Variants in ZNF460 observed in about 807,000 individuals in gnomAD.
ZNF460 encodes the protein zinc finger protein 272.
A neutral mutation model predicts 8.4 loss-of-function variants in ZNF460; 1 was observed. The observed-to-expected ratio is 0.12, with a 90% CI of 0.04 to 0.56. The LOEUF (loss-of-function observed/expected upper bound fraction) is 0.56, where lower values mean the gene tolerates loss of function less well. Ranked by LOEUF, ZNF460 falls within the 20% of genes least tolerant of loss-of-function variation. The probability of loss-of-function intolerance (pLI) is 0.91; values close to 1 mark genes in which losing one functional copy is unlikely to be tolerated. For synonymous variants in ZNF460, 262 were observed against 259.9 expected, an observed-to-expected ratio of 1.01 and a Z score of -0.08; for missense variants, 477 against 714.8, an observed-to-expected ratio of 0.67 and a Z score of 3.79.
chr19:57,287,178 T>C (rs1351093807), intron 2 of ZNF460, among the ~76,000 whole-genome samples: 1 of 152,174 alleles, frequency 6.6e-6, no homozygotes, highest in Non-Finnish European at 1.5e-5. Flanking sequence ...CTGACATATC[T>C]GTCTTCTTTT....
intron 2 of ZNF460, among the ~76,000 whole-genome samples, 185 bp from the exon 3 acceptor site, chr19:57,290,514 G>T (rs1443851617): frequency 6.6e-6 from 1 of 151,810 alleles, no homozygotes; most frequent in Non-Finnish European, 1.5e-5. Context: ...CTGACCTCAA[G>T]TGATCCGCCT....
rs1477825352 is a variant in ZNF460, at chr19:57,292,113, C to T, written c.1572C>T (p.Ile524=). The T allele has an allele frequency of 6.2e-7, 1 of 1,614,174 alleles. No homozygotes were observed. Among genetic ancestry groups the T allele is most frequent in the Non-Finnish European group, 8.5e-7 (1 of 1,180,032 alleles). The change falls in exon 3 of 3, where the codon ATC becomes ATT. Residue 524 remains isoleucine (I), a synonymous_variant. Transcript: ENST00000360338. The part of the protein sequence containing the change: ...CESTDLIQHS[I]IHTESSPVSA... ...GCACAGATCTCATTCAACACTCCAT[C>T]ATCCACACTGAGAGTAGCCCAGTGA... is the stretch of plus-strand genomic sequence containing the variant.
chr19:57,283,502 C>CTTTTTTTTTT (rs926242067), intron 1 of ZNF460, among the ~76,000 whole-genome samples: 11 of 68,546 alleles, frequency 1.6e-4, no homozygotes, highest in African/African-American at 3.2e-4. Flanking sequence ...TTTGACTATT[C>CTTTTTTTTTT]TTTTTTTTTT....
chr19:57,288,258 A>G (rs2087893170), intron 2 of ZNF460, among the ~76,000 whole-genome samples: 1 of 152,136 alleles, frequency 6.6e-6, no homozygotes, highest in Non-Finnish European at 1.5e-5. Flanking sequence ...GCTGGAGCGC[A>G]GTGGCACCAT....
intron 1 of ZNF460, among the ~76,000 whole-genome samples, chr19:57,283,294 C>T (rs372362131): frequency 6.6e-6 from 1 of 151,666 alleles, no homozygotes; most frequent in African/African-American, 2.4e-5. Context: ...TTCAGCCTCC[C>T]GAGTAGCTAG....
chr19:57,293,900 A>G lies in ZNF460; in HGVS notation c.*1670A>G, dbSNP rs1019778391. On this transcript the variant is annotated 3_prime_UTR_variant, in exon 3 of 3. Coordinates refer to ENST00000360338, the MANE Select transcript of ZNF460 (RefSeq NM_006635.4). Reference sequence around the variant, plus strand: ...ATTTCACTTAATGTCTTTCAAGCTCATTCATGTTGCTGTGAATGACAGGTT... The same window carrying G: ...ATTTCACTTAATGTCTTTCAAGCTCGTTCATGTTGCTGTGAATGACAGGTT... 6.6e-6 allele frequency: 1 copy of G among 152,188 alleles called. No homozygotes were observed. The highest frequency in any genetic ancestry group is 2.4e-5 in the African/African-American group (1 of 41,460). The allele number at this position is 152,188 out of a possible 1,614,324, so 9.4% of individuals were successfully genotyped here. A position where few individuals can be genotyped will look rare whatever the true frequency, so the allele number is the denominator to read the frequency against.
At chr19:57,284,973 T>C (rs2087869258) in intron 2 of ZNF460, among the ~76,000 whole-genome samples, 1 of 151,950 alleles carries the variant, frequency 6.6e-6, no homozygotes, top group African/African-American at 2.4e-5. Flanking sequence ...TGTGCTCCCA[T>C]GCCCAGCTAA....
chr19:57,290,008 C>T (rs978495862), intron 2 of ZNF460, among the ~76,000 whole-genome samples: 2 of 151,974 alleles, frequency 1.3e-5, no homozygotes, highest in East Asian at 2.0e-4. Context: ...AGCATGGTGG[C>T]GCACACCTGT....
At position 57,280,662 on chromosome 19, in the gene ZNF460, G is replaced by A. The variant is rs2122878780; in HGVS notation, c.-145G>A. On this transcript the variant is annotated 5_prime_UTR_variant, in exon 1 of 3. Transcript: ENST00000360338. ...GCCTAGGCCTCCGCAGCCGCCCTCC[G>A]TCTCCTCAGCCCCGACGCTGCGCCT... The A allele has an allele frequency of 1.6e-6, 2 of 1,215,496 alleles. No individual in the cohort carries two copies. The highest frequency in any genetic ancestry group is 2.6e-5 in the East Asian group (1 of 37,792). 75.3% of individuals were successfully genotyped at this position (1,215,496 alleles called of 1,614,324 possible).
At position 57,286,791 on chromosome 19, in the gene ZNF460, G is replaced by A. The variant is rs953464780; in HGVS notation, c.157+2114G>A. Among the ~76,000 whole-genome samples the A allele has an allele frequency of 1.4e-4, 21 of 151,658 alleles. No individual in the cohort carries two copies. The East Asian group carries it at 1.6e-3, about 11-fold the overall frequency. On this transcript the variant is annotated intron_variant, in intron 2 of 2. Coordinates refer to ENST00000360338, the MANE Select transcript of ZNF460 (RefSeq NM_006635.4). Reference sequence around the variant, plus strand: ...AGCCTGGCCAACATGGCGAAACCCCGTCTCTACTAAAAATACAAAACAATT... The same window carrying A: ...AGCCTGGCCAACATGGCGAAACCCCATCTCTACTAAAAATACAAAACAATT...
chr19:57,290,304 G>A (rs1264086773), intron 2 of ZNF460, among the ~76,000 whole-genome samples: 1 of 150,172 alleles, frequency 6.7e-6, no homozygotes, highest in Admixed American at 6.6e-5. Flanking sequence ...TTTGAGATGG[G>A]TTTCCCTCTG....
At chr19:57,286,497 A>G (rs1431764073) in intron 2 of ZNF460, among the ~76,000 whole-genome samples, 2 of 152,166 alleles carry the variant, frequency 1.3e-5, no homozygotes, top group Non-Finnish European at 2.9e-5. Context: ...AAGTCAATTA[A>G]TAACACTAAA....
chr19:57,291,478 T>C lies in ZNF460; in HGVS notation c.937T>C (p.Cys313Arg), dbSNP rs747356367. Residue 313 changes from cysteine (C) to arginine (R), a missense_variant, in exon 3 of 3, where the codon TGT becomes CGT. Cys to Arg is a radical substitution (Grantham distance 180). This residue lies in a region of ZNF460 where 193 missense variants were observed against 391.7 expected (regional missense o/e 0.49). Transcript: ENST00000360338. The surrounding 1 kb of genome is among the most constrained non-coding windows in gnomAD (Gnocchi z 8.4). ...GAAGAAACCCTTCGCATGCAGCGAATGTGGAAAAGGCTTTTATGAGAGTAC... is the reference window on the plus strand; with the variant it reads ...GAAGAAACCCTTCGCATGCAGCGAACGTGGAAAAGGCTTTTATGAGAGTAC... Reference protein sequence around the residue: ...NEKKPFACSECGKGFYESTAL... With the variant: ...NEKKPFACSERGKGFYESTAL... 3.7e-6 allele frequency: 6 copies of C among 1,614,052 alleles called. No homozygotes were observed. Among genetic ancestry groups the C allele is most frequent in the Non-Finnish European group, 1.7e-6 (2 of 1,180,008 alleles).
At chr19:57,283,472 A>G (rs1220213244) in intron 1 of ZNF460, among the ~76,000 whole-genome samples, 1 of 140,642 alleles carries the variant, frequency 7.1e-6, no homozygotes, top group East Asian at 2.2e-4. Flanking sequence ...CCAGCCTACA[A>G]ACAGTTTTTC....
intron 1 of ZNF460, 96 bp from the exon 2 acceptor site, chr19:57,284,455 G>T (rs2087864825): frequency 1.3e-6 from 2 of 1,485,642 alleles, no homozygotes; most frequent in African/African-American, 2.8e-5. Flanking sequence ...TTTGGCCTTT[G>T]ATTCTCTGTG....
In ZNF460 at chr19:57,284,838, C is replaced by T. The variant is rs1256557990; in HGVS notation, c.157+161C>T. Among the ~76,000 whole-genome samples the T allele has an allele frequency of 5.1e-5, 7 of 137,062 alleles. No individual in the cohort carries two copies. In the South Asian group the frequency reaches 1.6e-3, roughly 31 times the overall value. The allele number at this position is 137,062 out of a possible 152,430, so 89.9% of individuals were successfully genotyped here. The stretch of plus-strand genomic sequence containing the variant: ...ATTTTTTTTTTTTTTTTTTTGGAGA[C>T]AGAGTTTCGCTCTTGTTGCCCAGGC... On this transcript the variant is annotated intron_variant, in intron 2 of 2. Coordinates refer to ENST00000360338, the MANE Select transcript of ZNF460 (RefSeq NM_006635.4).
chr19:57,281,046 T>C (rs561684962), intron 1 of ZNF460, among the ~76,000 whole-genome samples: 6 of 152,180 alleles, frequency 3.9e-5, no homozygotes, highest in Non-Finnish European at 8.8e-5. Flanking sequence ...GGAGTGATGC[T>C]TCCTTCTAGG....
rs1020985822 is a variant in ZNF460 at position 57,280,801 on chromosome 19, C to T, written c.-6C>T. 3.1e-6 allele frequency: 5 copies of T among 1,614,076 alleles called. No individual in the cohort carries two copies. The African/African-American group carries it at 4.0e-5, about 13-fold the overall frequency. On this transcript the variant is annotated 5_prime_UTR_variant, in exon 1 of 3. Coordinates refer to ENST00000360338, the MANE Select transcript of ZNF460 (RefSeq NM_006635.4). Reference sequence around the variant, plus strand: ...CTGTGGTCGGCTGATCCGCGGCATTCCCGGGATGGCGGCGGCGTGGATGGC... The same window carrying T: ...CTGTGGTCGGCTGATCCGCGGCATTTCCGGGATGGCGGCGGCGTGGATGGC...
At chr19:57,281,556 A>AATTTTTTT (rs2087839568) in intron 1 of ZNF460, among the ~76,000 whole-genome samples, 4 of 85,042 alleles carry the variant, frequency 4.7e-5, no homozygotes, top group African/African-American at 1.5e-4. Flanking sequence ...TAACCCTGAA[A>AATTTTTTT]TTTTTTTTTT....
Sources: gnomAD v4.1 joint callset for allele counts (sites outside exome capture counted in the v4.1 genomes callset) on GRCh38, gnomAD v4.1.1 for gene constraint, gnomAD v4.1.1 regional missense constraint, Gnocchi (gnomAD v3.1) non-coding constraint, MANE v1.5 for transcripts, NCBI Gene and HGNC (gene_info 2026-07-23, HGNC 2026-07-21) for gene names.